SLC2A9: variants seen among roughly 807,000 people sequenced by gnomAD.
The protein encoded by SLC2A9 is solute carrier family 2, facilitated glucose transporter member 9.
A neutral mutation model predicts 50.6 loss-of-function variants in SLC2A9; 39 were observed. The observed-to-expected ratio is 0.77, with a 90% CI of 0.60 to 1.01. The LOEUF (loss-of-function observed/expected upper bound fraction) is 1.01. Among genes scored for constraint, SLC2A9 ranks in the 50% least tolerant of loss-of-function variants. The pLI is 0.00. For synonymous variants in SLC2A9, 324 were observed against 276.9 expected, an observed-to-expected ratio of 1.17 and a Z score of -1.69; for missense variants, 686 against 677.6, an observed-to-expected ratio of 1.01 and a Z score of -0.14.
At chr4:10,004,273 C>T (rs751092) in intron 2 of SLC2A9, among the ~76,000 whole-genome samples, 119,645 of 152,036 alleles carry the variant, frequency 0.79, 47,352 homozygotes, top group Non-Finnish European at 0.83. Context: ...ACACATCCCA[C>T]AGCCATGCCA....
At chr4:9,973,600 C>G (rs1754274452) in intron 5 of SLC2A9, among the ~76,000 whole-genome samples, 2 of 151,230 alleles carry the variant, frequency 1.3e-5, no homozygotes, top group Admixed American at 1.3e-4. Flanking sequence ...TCTCAGCAAA[C>G]TATCGCAAGG....
chr4:9,929,090 C>A (rs919492378), intron 6 of SLC2A9, among the ~76,000 whole-genome samples: 1 of 152,230 alleles, frequency 6.6e-6, no homozygotes, highest in Non-Finnish European at 1.5e-5. Context: ...CATTTTTGAG[C>A]TATCCACGTT....
intron 1 of SLC2A9, among the ~76,000 whole-genome samples, chr4:9,771,849 G>T (rs1441807705): frequency 6.6e-6 from 1 of 152,180 alleles, no homozygotes; most frequent in Non-Finnish European, 1.5e-5. Context: ...AAGTGGGAAG[G>T]ACATTTCAGA....
intron 3 of SLC2A9, among the ~76,000 whole-genome samples, chr4:9,787,371 T>C (rs1161276851): frequency 6.6e-6 from 1 of 152,244 alleles, no homozygotes; most frequent in Non-Finnish European, 1.5e-5. Context: ...ACACTTGTTC[T>C]CACATAGTTT....
chr4:9,796,186 C>G (rs569258776), downstream of SLC2A9, among the ~76,000 whole-genome samples: 5 of 152,302 alleles, frequency 3.3e-5, no homozygotes, highest in South Asian at 1.0e-3. Flanking sequence ...AGGAAGGGTC[C>G]TCAGATAAAA....
rs564047211 is a variant in SLC2A9 at position 9,817,499 on chromosome 4, A to G, written n.420+8921T>C. 9.2e-5 allele frequency among the ~76,000 whole-genome samples: 14 copies of G among 152,372 alleles called. No homozygotes were observed. In the South Asian group the frequency reaches 2.9e-3, roughly 32 times the overall value. On this transcript the variant is annotated intron_variant and non_coding_transcript_variant, in intron 3 of 3. Transcript: ENST00000503280. The stretch of plus-strand genomic sequence containing the variant: ...CACTGATCCAGCCCAGAATGGGTCA[A>G]CATATGCAATAATAGAAGAGGAATG...
chr4:9,960,810 G>C (rs922317182), intron 5 of SLC2A9, among the ~76,000 whole-genome samples: 1 of 152,174 alleles, frequency 6.6e-6, no homozygotes, highest in Non-Finnish European at 1.5e-5. Context: ...TCAGCAGAAG[G>C]GAAATGGGGG....
At chr4:9,796,423 T>C (rs1419472786), downstream of SLC2A9, among the ~76,000 whole-genome samples, 1 of 152,194 alleles carries the variant, frequency 6.6e-6, no homozygotes, top group Non-Finnish European at 1.5e-5. Flanking sequence ...ATAACATGAA[T>C]GAGATTGACA....
intron 1 of SLC2A9, among the ~76,000 whole-genome samples, chr4:9,771,571 A>G (rs1182057938): frequency 6.6e-6 from 1 of 152,222 alleles, no homozygotes; most frequent in Non-Finnish European, 1.5e-5. Flanking sequence ...CATCTATGCA[A>G]CACATATCAA....
chr4:9,886,682 CT>C (rs1320003517), intron 10 of SLC2A9, among the ~76,000 whole-genome samples: 1 of 152,102 alleles, frequency 6.6e-6, no homozygotes, highest in East Asian at 1.9e-4. Context: ...CTGATAGAAA[CT>C]TACTGTTTGC....
At chr4:9,809,584 G>A (rs1031127392) in intron 3 of SLC2A9, among the ~76,000 whole-genome samples, 3 of 152,148 alleles carry the variant, frequency 2.0e-5, no homozygotes, top group African/African-American at 7.2e-5. Context: ...CGACCCTTCA[G>A]CCTGGCCTGC....
chr4:9,879,041 A>T, intron 10 of SLC2A9: 1 of 984,858 alleles, frequency 1.0e-6, no homozygotes, highest in East Asian at 1.1e-4. Flanking sequence ...ACAAGCATTT[A>T]TTGAGTGCTG....
In SLC2A9 at chr4:9,838,352, G is replaced by A. The variant is rs559034703; in HGVS notation, c.1292-3344C>T. 8.1e-4 allele frequency among the ~76,000 whole-genome samples: 123 copies of A among 152,252 alleles called. No homozygotes were observed. In the East Asian group the frequency reaches 0.019, roughly 23 times the overall value. ...GGAGAACTACAAACCACTGCTTAAA[G>A]AAATCATAGATGGCACAAACAAATG... On this transcript the variant is annotated intron_variant, in intron 10 of 11. Coordinates refer to ENST00000264784, the MANE Select transcript of SLC2A9 (RefSeq NM_020041.3).
intron 3 of SLC2A9, chr4:9,782,739 C>T (rs1718639992): frequency 1.9e-6 from 3 of 1,614,006 alleles, no homozygotes; most frequent in Non-Finnish European, 1.7e-6. Flanking sequence ...TTCTACATCC[C>T]CGTTGCCATC....
At chr4:9,976,721 C>T (rs539211814) in intron 5 of SLC2A9, among the ~76,000 whole-genome samples, 10 of 152,370 alleles carry the variant, frequency 6.6e-5, no homozygotes, top group African/African-American at 2.4e-4. Flanking sequence ...GCATGGGCAG[C>T]TGTGCCCCTT....
chr4:9,989,278 G>A (rs992265978), intron 3 of SLC2A9, among the ~76,000 whole-genome samples: 1 of 152,124 alleles, frequency 6.6e-6, no homozygotes, highest in Non-Finnish European at 1.5e-5. Flanking sequence ...AAAAACATAT[G>A]GCTGTGTTGT....
chr4:9,915,777 T>C (rs1049654836), intron 7 of SLC2A9, among the ~76,000 whole-genome samples: 1 of 152,238 alleles, frequency 6.6e-6, no homozygotes, highest in African/African-American at 2.4e-5. Context: ...ACTGCTGCAG[T>C]GAGATGGTCT....
intron 3 of SLC2A9, among the ~76,000 whole-genome samples, chr4:9,814,705 T>C (rs776283989): frequency 6.6e-6 from 1 of 152,048 alleles, no homozygotes; most frequent in Non-Finnish European, 1.5e-5. Context: ...GAAGGCTGGA[T>C]TGGGCTTCCT....
intron 2 of SLC2A9, chr4:10,009,718 C>G (rs1761428860): frequency 6.6e-6 from 1 of 152,214 alleles, no homozygotes; most frequent in Non-Finnish European, 1.5e-5. Context: ...AGTGTTGTTT[C>G]AAATAAGTCC....
Sources: allele counts gnomAD v4.1 joint callset (sites outside exome capture counted in the v4.1 genomes callset), GRCh38; gene constraint gnomAD v4.1.1; transcripts MANE v1.5; gene names NCBI Gene and HGNC (gene_info 2026-07-23, HGNC 2026-07-21).